LAPTM4A: variants seen among roughly 807,000 people sequenced by gnomAD.
The protein encoded by LAPTM4A is lysosomal-associated transmembrane protein 4A.
In LAPTM4A, 19 loss-of-function variants were observed where a neutral mutation model predicts 29.9. That is an observed-to-expected ratio of 0.64 (90% confidence interval 0.44 to 0.93). The LOEUF (loss-of-function observed/expected upper bound fraction) is 0.93. Ranked by LOEUF, LAPTM4A falls within the 40% of genes least tolerant of loss-of-function variation. The pLI is 0.00. For missense variants in LAPTM4A, 293 were observed against 288.5 expected, an observed-to-expected ratio of 1.02 and a Z score of -0.11; for synonymous variants, 105 against 102.1, an observed-to-expected ratio of 1.03 and a Z score of -0.17.
intron 4 of LAPTM4A, 117 bp downstream of exon 4, chr2:20,037,199 C>T (rs1002491885): frequency 1.2e-6 from 1 of 803,266 alleles, no homozygotes; most frequent in Non-Finnish European, 1.9e-6. Flanking sequence ...TATTTTAAGA[C>T]ACTTTCAAAA....
intron 2 of LAPTM4A, 141 bp from the exon 3 acceptor site, chr2:20,037,755 A>G (rs1458281324): frequency 2.4e-6 from 1 of 424,130 alleles, no homozygotes. Flanking sequence ...AGAGGGTAAA[A>G]AAAAAAAAAA....
chr2:20,044,951 C>T (rs549807217), intron 1 of LAPTM4A, among the ~76,000 whole-genome samples: 1 of 152,248 alleles, frequency 6.6e-6, no homozygotes, highest in East Asian at 1.9e-4. Flanking sequence ...ACTATGTTGT[C>T]CAGTCTGGTC....
At chr2:20,036,861 TAC>T (rs1673688039) in intron 4 of LAPTM4A, among the ~76,000 whole-genome samples, 1 of 152,328 alleles carries the variant, frequency 6.6e-6, no homozygotes, top group East Asian at 1.9e-4. Context: ...CCCCAAATAT[TAC>T]AGTTTGCTCG....
chr2:20,038,930 T>C (rs1673737495), intron 2 of LAPTM4A, among the ~76,000 whole-genome samples: 1 of 151,984 alleles, frequency 6.6e-6, no homozygotes. Context: ...CAACTTTTTT[T>C]TTTTCTTTGA....
Position 20,046,801 on chromosome 2 carries a change from TA to T in LAPTM4A, c.111+4608del, listed in dbSNP as rs1209095239. 1.1e-3 allele frequency among the ~76,000 whole-genome samples: 149 copies of T among 131,380 alleles called. 1 individual carries two copies. Among genetic ancestry groups the T allele is most frequent in the South Asian group, 6.6e-3 (23 of 3,466 alleles). The allele number at this position is 131,380 out of a possible 152,430, so 86.2% of individuals were successfully genotyped here. ...ATAAATATATATATAATATAATATA[TA>T]TTTTTTTTTGGTAGAGAGGGGGTTT... On this transcript the variant is annotated intron_variant, in intron 1 of 6. Coordinates refer to ENST00000175091, the MANE Select transcript of LAPTM4A (RefSeq NM_014713.5).
Position 20,037,607 on chromosome 2 carries a change from G to T in LAPTM4A, c.240C>A (p.Ala80=). The T allele has an allele frequency of 1.3e-6, 2 of 1,598,902 alleles. No homozygotes were observed. Among genetic ancestry groups the T allele is most frequent in the Non-Finnish European group, 1.7e-6 (2 of 1,173,596 alleles). Residue 80 remains alanine (A), a synonymous_variant, in exon 3 of 7, where the codon GCC becomes GCA. Transcript: ENST00000175091. The part of the protein sequence containing the change: ...YYSSERMADN[A]CVLFAVSVLM... The stretch of plus-strand genomic sequence containing the variant: ...GAACAGAGACGGCAAAAAGAACACA[G>T]GCATTATCTAAGAAAACAAAAACAA...
chr2:20,036,328 A>G (rs1673676099), intron 4 of LAPTM4A, among the ~76,000 whole-genome samples: 1 of 152,170 alleles, frequency 6.6e-6, no homozygotes, highest in Admixed American at 6.5e-5. Context: ...ATTGTCTTCT[A>G]TACTTTCTCT....
At chr2:20,033,443 C>A (rs900626161) in intron 6 of LAPTM4A, among the ~76,000 whole-genome samples, 164 bp from the exon 7 acceptor site, 2 of 152,080 alleles carry the variant, frequency 1.3e-5, no homozygotes, top group African/African-American at 2.4e-5. Context: ...GCCTCAATAA[C>A]CTGGAATTTT....
intron 5 of LAPTM4A, 126 bp from the exon 6 acceptor site, chr2:20,034,541 G>A (rs760129761): frequency 4.3e-6 from 3 of 698,096 alleles, no homozygotes; most frequent in Middle Eastern, 3.9e-4. Flanking sequence ...CCTCTGTGTG[G>A]ACCCAGCACA....
rs778661026 is a variant in LAPTM4A at position 20,033,241 on chromosome 2, A to C, written c.666T>G (p.Pro222=). The C allele has an allele frequency of 6.2e-7, 1 of 1,614,158 alleles. No individual in the cohort carries two copies. Among genetic ancestry groups the C allele is most frequent in the South Asian group, 1.1e-5 (1 of 91,084 alleles). ...AGTAAGGAGGTGGTGGTTCTTTTTC[A>C]GGCATTTTCACGGCCATTTCATAGG... ...LPTYEMAVKM[P]EKEPPPPYLP... Residue 222 remains proline, a synonymous_variant, in exon 7 of 7, where the codon CCT becomes CCG. Coordinates refer to ENST00000175091, the MANE Select transcript of LAPTM4A (RefSeq NM_014713.5).
In LAPTM4A at chr2:20,034,218, AT is replaced by A; in HGVS notation, c.627+98del. On this transcript the variant is annotated intron_variant, in intron 6 of 6. Transcript: ENST00000175091. Reference sequence around the variant, plus strand: ...AGTACCCAGGGTTCATGCCCAAACCATAGGTTACAGCATGAAAGAGAAAGTC... The same window carrying A: ...AGTACCCAGGGTTCATGCCCAAACCAAGGTTACAGCATGAAAGAGAAAGTC... The A allele has an allele frequency of 1.1e-5, 9 of 851,240 alleles. No homozygotes were observed. The South Asian group carries it at 1.1e-4, about 10-fold the overall frequency. 52.7% of individuals were successfully genotyped at this position (851,240 alleles called of 1,614,324 possible).
At chr2:20,038,352 A>C (rs183537997) in intron 2 of LAPTM4A, among the ~76,000 whole-genome samples, 101 of 152,306 alleles carry the variant, frequency 6.6e-4, no homozygotes, top group Non-Finnish European at 2.8e-4. Flanking sequence ...AGTAATCTCA[A>C]GCAATTCTAA....
rs1326884959 is a variant in LAPTM4A at position 20,051,437 on chromosome 2, C to T, written c.84G>A (p.Gly28=). The change falls in exon 1 of 7, where the codon GGG becomes GGA. Residue 28 remains glycine, a synonymous_variant. Transcript: ENST00000175091. ...TGTACCAGGTCCCCAGGATGATCGT[C>T]CCGGTGCGGACATGGCAACAGCCGC... ...RCCGCCHVRT[G]TIILGTWYMV... 1.4e-5 allele frequency: 22 copies of T among 1,613,274 alleles called. No homozygotes were observed. The highest frequency in any genetic ancestry group is 1.8e-5 in the Non-Finnish European group (21 of 1,179,642).
Position 20,039,369 on chromosome 2 carries a change from TAGA to T in LAPTM4A, c.232+1519_232+1521del, listed in dbSNP as rs1572397603. 2.0e-5 allele frequency among the ~76,000 whole-genome samples: 3 copies of T among 152,354 alleles called. No individual in the cohort carries two copies. The East Asian group carries it at 5.8e-4, about 29-fold the overall frequency. On this transcript the variant is annotated intron_variant, in intron 2 of 6. Transcript: ENST00000175091. ...CTGCTACAACATGCAAACTTCCACT[TAGA>T]AGAATTCAGGTAAAAACAAAATATG...
At position 20,051,573 on chromosome 2, in the gene LAPTM4A, C is replaced by T. The variant is rs1486552691; in HGVS notation, c.-53G>A. 1.7e-6 allele frequency: 2 copies of T among 1,176,286 alleles called. No homozygotes were observed. The highest frequency in any genetic ancestry group is 5.4e-5 in the East Asian group (2 of 37,148). 72.9% of individuals were successfully genotyped at this position (1,176,286 alleles called of 1,614,324 possible). A position where few individuals can be genotyped will look rare whatever the true frequency, so the allele number is the denominator to read the frequency against. ...GGGCCCCTGACAAACGTTCTCCACC[C>T]GCAGCCAAACTCAAACGGCTGTTTC... On this transcript the variant is annotated 5_prime_UTR_variant, in exon 1 of 7. Coordinates refer to ENST00000175091, the MANE Select transcript of LAPTM4A (RefSeq NM_014713.5).
At chr2:20,048,430 G>A (rs913441514) in intron 1 of LAPTM4A, among the ~76,000 whole-genome samples, 25 of 152,164 alleles carry the variant, frequency 1.6e-4, no homozygotes, top group African/African-American at 5.3e-4. Context: ...GGTACCTCCG[G>A]TGCATATAAT....
intron 1 of LAPTM4A, among the ~76,000 whole-genome samples, chr2:20,046,168 G>A (rs1222321068): frequency 6.6e-6 from 1 of 152,112 alleles, no homozygotes; most frequent in Non-Finnish European, 1.5e-5. Flanking sequence ...ACAGGGTGGG[G>A]AACATCACAC....
chr2:20,047,835 T>G (rs567056702), intron 1 of LAPTM4A, among the ~76,000 whole-genome samples: 4 of 152,356 alleles, frequency 2.6e-5, no homozygotes, highest in South Asian at 2.1e-4. Flanking sequence ...TCACTACTTT[T>G]GTATGTATGA....
intron 1 of LAPTM4A, among the ~76,000 whole-genome samples, chr2:20,041,516 TTG>T (rs372627922): frequency 4.0e-5 from 6 of 151,364 alleles, no homozygotes; most frequent in Admixed American, 2.0e-4. Flanking sequence ...AGTCTTACTT[TTG>T]TGTGTGTGTG....
Sources: gnomAD v4.1 joint callset for allele counts (sites outside exome capture counted in the v4.1 genomes callset) on GRCh38, gnomAD v4.1.1 for gene constraint, MANE v1.5 for transcripts, NCBI Gene and HGNC (gene_info 2026-07-23, HGNC 2026-07-21) for gene names.